R3HDM1: variants seen among roughly 807,000 people sequenced by gnomAD.
The protein encoded by R3HDM1 is R3H domain containing 1, also known as R3H domain-containing protein 1.
Under a neutral mutation model 141.1 loss-of-function variants are expected in R3HDM1, and 46 were observed. The observed-to-expected ratio is 0.33, with a 90% CI of 0.26 to 0.42. R3HDM1 has a LOEUF of 0.42. Ranked by LOEUF, R3HDM1 falls within the 10% of genes least tolerant of loss-of-function variation. R3HDM1 has a pLI of 1.00. For missense variants in R3HDM1, 1,184 were observed against 1,368.3 expected, an observed-to-expected ratio of 0.87 and a Z score of 2.12; for synonymous variants, 435 against 472.9, an observed-to-expected ratio of 0.92 and a Z score of 1.04.
chr2:135,553,059 A>G (rs1445409227), intron 1 of R3HDM1, among the ~76,000 whole-genome samples: 1 of 152,066 alleles, frequency 6.6e-6, no homozygotes, highest in East Asian at 1.9e-4. Flanking sequence ...TTGTAGAGAC[A>G]GGGTCTCACT....
intron 7 of R3HDM1, among the ~76,000 whole-genome samples, chr2:135,627,330 G>T (rs1187841539): frequency 6.6e-6 from 1 of 151,920 alleles, no homozygotes; most frequent in East Asian, 1.9e-4. Flanking sequence ...TTCCTTTTTG[G>T]ATATCTTTAA....
At chr2:135,656,238 T>G (rs530977332) in intron 18 of R3HDM1, among the ~76,000 whole-genome samples, 72 of 152,326 alleles carry the variant, frequency 4.7e-4, no homozygotes, top group African/African-American at 1.7e-3. Flanking sequence ...TGGTAGATCT[T>G]TTTCTATCTT....
At chr2:135,694,277 C>T (rs1200813155) in intron 21 of R3HDM1, among the ~76,000 whole-genome samples, 5 of 152,182 alleles carry the variant, frequency 3.3e-5, no homozygotes, top group Admixed American at 3.3e-4. Flanking sequence ...TAGGCCAACC[C>T]AGTTTACAAG....
At chr2:135,588,681 G>C (rs1396452955) in intron 1 of R3HDM1, among the ~76,000 whole-genome samples, 2 of 151,952 alleles carry the variant, frequency 1.3e-5, no homozygotes, top group Non-Finnish European at 2.9e-5. Flanking sequence ...ATATGTGTTA[G>C]GCTACTATTA....
chr2:135,671,669 A>C (rs1305132777), intron 19 of R3HDM1, among the ~76,000 whole-genome samples: 10 of 151,560 alleles, frequency 6.6e-5, no homozygotes, highest in African/African-American at 2.2e-4. Flanking sequence ...GCGCTGGCCC[A>C]ATGTTACCTA....
Position 135,710,051 on chromosome 2 carries a change from A to C in R3HDM1, c.2564-8A>C. 6.2e-7 allele frequency: 1 copy of C among 1,612,212 alleles called. No individual in the cohort carries two copies. Among genetic ancestry groups the C allele is most frequent in the South Asian group, 1.1e-5 (1 of 90,754 alleles). On this transcript the variant is annotated splice_region_variant and splice_polypyrimidine_tract_variant and intron_variant, in intron 22 of 26. Coordinates refer to ENST00000683871, the MANE Select transcript of R3HDM1 (RefSeq NM_001378107.1). Reference sequence around the variant, plus strand: ...TCTGACTATAGCATCCTAAATTCTGATTTTCAGCTGGACCACCACCGCCAC... The same window carrying C: ...TCTGACTATAGCATCCTAAATTCTGCTTTTCAGCTGGACCACCACCGCCAC...
chr2:135,585,198 C>A (rs1424389072), intron 1 of R3HDM1, among the ~76,000 whole-genome samples: 1 of 152,052 alleles, frequency 6.6e-6, no homozygotes, highest in African/African-American at 2.4e-5. Flanking sequence ...TTGTGGATTT[C>A]TATGTATTTT....
At position 135,635,878 on chromosome 2, in the gene R3HDM1, T is replaced by C; in HGVS notation, c.699-12T>C. 6.4e-7 allele frequency: 1 copy of C among 1,571,380 alleles called. No individual in the cohort carries two copies. The highest frequency in any genetic ancestry group is 8.6e-7 in the Non-Finnish European group (1 of 1,164,348). On this transcript the variant is annotated splice_polypyrimidine_tract_variant and intron_variant, in intron 9 of 26. Coordinates refer to ENST00000683871, the MANE Select transcript of R3HDM1 (RefSeq NM_001378107.1). ...TTTTCCTGTTCCTTTGTTTTTGTTTTTGTTTTTTAAGACCTGATCAGAAAT... is the reference window on the plus strand; with the variant it reads ...TTTTCCTGTTCCTTTGTTTTTGTTTCTGTTTTTTAAGACCTGATCAGAAAT...
intron 24 of R3HDM1, among the ~76,000 whole-genome samples, chr2:135,719,151 A>G (rs1007897030): frequency 6.6e-6 from 1 of 151,908 alleles, no homozygotes. Flanking sequence ...CCATCGCTAA[A>G]TAAATAATTT....
At chr2:135,663,711 C>A (rs1326222458) in intron 19 of R3HDM1, among the ~76,000 whole-genome samples, 1 of 152,018 alleles carries the variant, frequency 6.6e-6, no homozygotes, top group African/African-American at 2.4e-5. Flanking sequence ...TTATAGTTAG[C>A]TCATCATTAA....
intron 24 of R3HDM1, among the ~76,000 whole-genome samples, chr2:135,716,584 A>C (rs2076171862): frequency 6.6e-6 from 1 of 152,238 alleles, no homozygotes; most frequent in Admixed American, 6.5e-5. Flanking sequence ...AACTCTGTAC[A>C]TCAATGAGGA....
chr2:135,604,259 T>G (rs1038746767), intron 2 of R3HDM1, among the ~76,000 whole-genome samples: 1 of 152,182 alleles, frequency 6.6e-6, no homozygotes, highest in Non-Finnish European at 1.5e-5. Flanking sequence ...TTTAAGAAAT[T>G]TGGAATTTTA....
intron 24 of R3HDM1, among the ~76,000 whole-genome samples, chr2:135,720,872 GTTTC>G (rs1437595982): frequency 6.6e-6 from 1 of 152,148 alleles, no homozygotes; most frequent in Non-Finnish European, 1.5e-5. Flanking sequence ...TTTATCCAGA[GTTTC>G]TTCCTTCCTC....
intron 1 of R3HDM1, among the ~76,000 whole-genome samples, chr2:135,583,360 AT>A (rs550499928): frequency 1.9e-4 from 29 of 151,884 alleles, no homozygotes; most frequent in African/African-American, 7.0e-4. Context: ...AGCATAGGTG[AT>A]TTTTTTTCCC....
chr2:135,698,395 G>A (rs2073611223), intron 21 of R3HDM1, among the ~76,000 whole-genome samples: 1 of 151,912 alleles, frequency 6.6e-6, no homozygotes, highest in South Asian at 2.1e-4. Flanking sequence ...TCCTGACCTC[G>A]TGATCCGCCC....
rs200176130 is a variant in R3HDM1, at chr2:135,566,374, T to A, written c.-250+34741T>A. Among the ~76,000 whole-genome samples the A allele has an allele frequency of 6.6e-5, 10 of 152,262 alleles. No individual in the cohort carries two copies. In the East Asian group the frequency reaches 1.5e-3, roughly 24 times the overall value. ...CTTTGTACTATCTTACATAGCGTCT[T>A]TATGTGAAAAGGGATAAGTTAGGGA... is the stretch of plus-strand genomic sequence containing the variant. On this transcript the variant is annotated intron_variant, in intron 1 of 26. Transcript: ENST00000683871.
intron 1 of R3HDM1, among the ~76,000 whole-genome samples, chr2:135,558,712 A>G (rs958656702): frequency 6.6e-6 from 1 of 152,202 alleles, no homozygotes; most frequent in Non-Finnish European, 1.5e-5. Context: ...GTATATTATT[A>G]TGGACTGAGT....
intron 1 of R3HDM1, among the ~76,000 whole-genome samples, chr2:135,572,948 A>G (rs1392094880): frequency 6.6e-6 from 1 of 152,232 alleles, no homozygotes; most frequent in African/African-American, 2.4e-5. Flanking sequence ...AATGCCTAGA[A>G]TAGGTAAATC....
At position 135,531,556 on chromosome 2, in the gene R3HDM1, T is replaced by G. The variant is rs1694680190; in HGVS notation, c.-327T>G. On this transcript the variant is annotated 5_prime_UTR_variant, in exon 1 of 27. Coordinates refer to ENST00000683871, the MANE Select transcript of R3HDM1 (RefSeq NM_001378107.1). ...TGGGGTTAATTCCCTTTCGTAAGAC[T>G]CTTACTTGCACCCACCCAGCCCCGC... 5 of 985,730 alleles carry G rather than the reference T, an allele frequency of 5.1e-6. No homozygotes were observed. The highest frequency in any genetic ancestry group is 9.4e-5 in the South Asian group (2 of 21,346). 61.1% of individuals were successfully genotyped at this position (985,730 alleles called of 1,614,324 possible). A position where few individuals can be genotyped will look rare whatever the true frequency, so the allele number is the denominator to read the frequency against.
Sources: allele counts gnomAD v4.1 joint callset (sites outside exome capture counted in the v4.1 genomes callset), GRCh38; gene constraint gnomAD v4.1.1; transcripts MANE v1.5; gene names NCBI Gene and HGNC (gene_info 2026-07-23, HGNC 2026-07-21).